Variants in MYCN observed in about 807,000 individuals in gnomAD.
MYCN encodes the protein N-myc proto-oncogene protein.
Under a neutral mutation model 28.1 loss-of-function variants are expected in MYCN, and 3 were observed. The observed-to-expected ratio is 0.11, with a 90% CI of 0.05 to 0.28. The LOEUF is 0.28. Among genes scored for constraint, MYCN ranks in the 10% least tolerant of loss-of-function variants. The probability of loss-of-function intolerance (pLI) is 1.00; values close to 1 mark genes in which losing one functional copy is unlikely to be tolerated. For synonymous variants in MYCN, 326 were observed against 288.3 expected (o/e 1.13, Z -1.32); for missense variants, 572 against 651.4 (o/e 0.88, Z 1.33).
Position 15,942,448 on chromosome 2 carries a change from C to T in MYCN, c.384C>T (p.Arg128=). 1 of 1,595,436 alleles carries T rather than the reference C, an allele frequency of 6.3e-7. No homozygotes were observed. Among genetic ancestry groups the T allele is most frequent in the Non-Finnish European group, 8.5e-7 (1 of 1,176,970 alleles). ...TCTCCGCCCGCGAGAAGCTGGAGCG[C>T]GCCGTGAGCGAGAAGCTGCAGCACG... is the stretch of plus-strand genomic sequence containing the variant. ...SGFSAREKLE[R]AVSEKLQHGR... is the part of the protein sequence containing the mutation. Residue 128 remains arginine (R), a synonymous_variant, in exon 2 of 3, where the codon CGC becomes CGT. Coordinates refer to ENST00000281043, the MANE Select transcript of MYCN (RefSeq NM_005378.6). This position sits in a 1 kb window ranked among gnomAD's most constrained non-coding sequence, Gnocchi z 7.0.
At position 15,945,757 on chromosome 2, in the gene MYCN, G is replaced by T. The variant is rs868585198; in HGVS notation, c.1055G>T (p.Ser352Ile). The T allele has an allele frequency of 6.2e-7, 1 of 1,614,134 alleles. No homozygotes were observed. Among genetic ancestry groups the T allele is most frequent in the African/African-American group, 1.3e-5 (1 of 75,024 alleles). The change falls in exon 3 of 3, where the codon AGC (serine) becomes ATC (isoleucine). Residue 352 changes from serine (S) to isoleucine (I), a missense_variant. By Grantham distance (142) the Ser-to-Ile change is moderately radical. This residue lies in a region of MYCN where 499 missense variants were observed against 524.3 expected (regional missense o/e 0.95). Coordinates refer to ENST00000281043, the MANE Select transcript of MYCN (RefSeq NM_005378.6). This position sits in a 1 kb window ranked among gnomAD's most constrained non-coding sequence, Gnocchi z 4.8. The stretch of plus-strand genomic sequence containing the variant: ...GCACCCCCACAGAAGAAGATAAAGA[G>T]CGAGGCGTCCCCACGTCCGCTCAAG... The part of the protein sequence containing the change: ...EDAPPQKKIK[S>I]EASPRPLKSV...
In MYCN at chr2:15,941,099, T is replaced by C; in HGVS notation, c.-118+356T>C. Reference sequence around the variant, plus strand: ...GGGGTTCTTCTCCAAAGGGTGCCCCTGGAGGAAGAAGAGGGGGGGATTAGG... The same window carrying C: ...GGGGTTCTTCTCCAAAGGGTGCCCCCGGAGGAAGAAGAGGGGGGGATTAGG... On this transcript the variant is annotated intron_variant, in intron 1 of 2. Transcript: ENST00000281043. This position sits in a 1 kb window ranked among gnomAD's most constrained non-coding sequence, Gnocchi z 4.8. 5.4e-6 allele frequency: 1 copy of C among 185,990 alleles called. No individual in the cohort carries two copies. The highest frequency in any genetic ancestry group is 1.1e-5 in the Non-Finnish European group (1 of 90,682). 11.5% of individuals were successfully genotyped at this position (185,990 alleles called of 1,614,324 possible).
chr2:15,942,889 G>A lies in MYCN; in HGVS notation c.790+35G>A, dbSNP rs1662746410. On this transcript the variant is annotated intron_variant, in intron 2 of 2. Coordinates refer to ENST00000281043, the MANE Select transcript of MYCN (RefSeq NM_005378.6). This position sits in a 1 kb window ranked among gnomAD's most constrained non-coding sequence, Gnocchi z 7.0. ...GAACTCGGGTCCGGCTGCCTCCCTGGGGCACTGGACCCCGGGTCGCGTCCC... is the reference window on the plus strand; with the variant it reads ...GAACTCGGGTCCGGCTGCCTCCCTGAGGCACTGGACCCCGGGTCGCGTCCC... 19 of 1,562,058 alleles carry A rather than the reference G, an allele frequency of 1.2e-5. No homozygotes were observed. The East Asian group carries it at 4.2e-4, about 35-fold the overall frequency.
chr2:15,947,004 A>ATGATGCGTT (rs1203569890), downstream of MYCN: 1 of 188,752 alleles, frequency 5.3e-6, no homozygotes, highest in Non-Finnish European at 1.1e-5. Context: ...TTAAAATTAA[A>ATGATGCGTT]TGATGCAACT....
At chr2:15,944,034 G>A (rs539035835) in intron 2 of MYCN, among the ~76,000 whole-genome samples, 1 of 152,262 alleles carries the variant, frequency 6.6e-6, no homozygotes, top group South Asian at 2.1e-4. Flanking sequence ...AGGAAACTTG[G>A]TGATAAGCCT....
intron 2 of MYCN, among the ~76,000 whole-genome samples, chr2:15,943,785 C>G (rs932122073): frequency 6.6e-6 from 1 of 152,188 alleles, no homozygotes; most frequent in Non-Finnish European, 1.5e-5. Flanking sequence ...GGAGGACTCA[C>G]TGATTAGTTC....
In MYCN at chr2:15,942,564, G is replaced by T. The variant is rs1371290338; in HGVS notation, c.500G>T (p.Gly167Val). The change falls in exon 2 of 3, where the codon GGA (glycine) becomes GTA (valine). Residue 167 changes from glycine to valine, a missense_variant. By Grantham distance (109) the Gly-to-Val change is moderately radical. Around this residue, in one of 3 missense-constraint regions of MYCN, gnomAD observed 499 missense variants for 524.3 expected, o/e 0.95. Transcript: ENST00000281043. This position sits in a 1 kb window ranked among gnomAD's most constrained non-coding sequence, Gnocchi z 7.0. The part of the protein sequence containing the change: ...PAGRGHGGAA[G>V]AGRAGAALPA... Reference sequence around the variant, plus strand: ...GGTCGCGGGCACGGCGGGGCTGCGGGAGCCGGCCGCGCCGGGGCCGCCCTG... The same window carrying T: ...GGTCGCGGGCACGGCGGGGCTGCGGTAGCCGGCCGCGCCGGGGCCGCCCTG... 2 of 1,126,790 alleles carry T rather than the reference G, an allele frequency of 1.8e-6. No individual in the cohort carries two copies. Among genetic ancestry groups the T allele is most frequent in the Non-Finnish European group, 2.2e-6 (2 of 922,548 alleles). 69.8% of individuals were successfully genotyped at this position (1,126,790 alleles called of 1,614,324 possible).
In MYCN at chr2:15,946,819, CT is replaced by C; in HGVS notation, c.*723del. 4.5e-6 allele frequency: 1 copy of C among 220,228 alleles called. No individual in the cohort carries two copies. Among genetic ancestry groups the C allele is most frequent in the Non-Finnish European group, 9.1e-6 (1 of 109,844 alleles). 13.6% of individuals were successfully genotyped at this position (220,228 alleles called of 1,614,324 possible). A position where few individuals can be genotyped will look rare whatever the true frequency, so the allele number is the denominator to read the frequency against. ...TAAGAAACTTTTGTAAAGAAATTTA[CT>C]ATATATATATGCCTTTTTCCTAGCC... On this transcript the variant is annotated 3_prime_UTR_variant, in exon 3 of 3. Transcript: ENST00000281043.
Position 15,945,856 on chromosome 2 carries a change from ACCACAACAT to A in MYCN, c.1157_1165del (p.His386_Ile388del). The A allele has an allele frequency of 6.2e-7, 1 of 1,614,048 alleles. No homozygotes were observed. Among genetic ancestry groups the A allele is most frequent in the Non-Finnish European group, 8.5e-7 (1 of 1,180,044 alleles). Reference sequence around the variant, plus strand: ...TCGGAGGACAGTGAGCGTCGCAGAAACCACAACATCCTGGAGCGCCAGCGCCGCAACGAC... The same window carrying A: ...TCGGAGGACAGTGAGCGTCGCAGAAACCTGGAGCGCCAGCGCCGCAACGAC... On this transcript the variant is annotated inframe_deletion, in exon 3 of 3. Coordinates refer to ENST00000281043, the MANE Select transcript of MYCN (RefSeq NM_005378.6). The surrounding 1 kb of genome is among the most constrained non-coding windows in gnomAD (Gnocchi z 4.8).
At position 15,944,772 on chromosome 2, in the gene MYCN, T is replaced by C. The variant is rs1239385228; in HGVS notation, c.791-721T>C. Among the ~76,000 whole-genome samples the C allele has an allele frequency of 2.0e-5, 3 of 152,088 alleles. No individual in the cohort carries two copies. In the East Asian group the frequency reaches 5.8e-4, roughly 29 times the overall value. On this transcript the variant is annotated intron_variant, in intron 2 of 2. Coordinates refer to ENST00000281043, the MANE Select transcript of MYCN (RefSeq NM_005378.6). ...TCAAAGTGGTATCATCCCCATTTAA[T>C]AGCTGAGGAAACAGAGGCTTAGAAA...
At position 15,945,487 on chromosome 2, in the gene MYCN, T is replaced by G. The variant is rs147140963; in HGVS notation, c.791-6T>G. The G allele has an allele frequency of 6.3e-7, 1 of 1,598,282 alleles. No individual in the cohort carries two copies. The highest frequency in any genetic ancestry group is 1.1e-5 in the South Asian group (1 of 88,704). On this transcript the variant is annotated splice_polypyrimidine_tract_variant and splice_region_variant and intron_variant, in intron 2 of 2. Coordinates refer to ENST00000281043, the MANE Select transcript of MYCN (RefSeq NM_005378.6). The surrounding 1 kb of genome is among the most constrained non-coding windows in gnomAD (Gnocchi z 4.8). ...CACATGAGAGTAACTAGCATCTTTCTCTCAGATGATGAAGATGATGAAGAG... is the reference window on the plus strand; with the variant it reads ...CACATGAGAGTAACTAGCATCTTTCGCTCAGATGATGAAGATGATGAAGAG...
rs2103332764 is a variant in MYCN, at chr2:15,946,247, T to A, written c.*150T>A. On this transcript the variant is annotated 3_prime_UTR_variant, in exon 3 of 3. Transcript: ENST00000281043. ...TGGGTGGGCAGTAGGACCACCAGTGTGGGGTTCTGCTGGGACCTTGGAGAG... is the reference window on the plus strand; with the variant it reads ...TGGGTGGGCAGTAGGACCACCAGTGAGGGGTTCTGCTGGGACCTTGGAGAG... 8.6e-7 allele frequency: 1 copy of A among 1,157,776 alleles called. No homozygotes were observed. Among genetic ancestry groups the A allele is most frequent in the Non-Finnish European group, 1.3e-6 (1 of 798,894 alleles). The allele number at this position is 1,157,776 out of a possible 1,614,324, so 71.7% of individuals were successfully genotyped here.
At position 15,945,654 on chromosome 2, in the gene MYCN, C is replaced by A; in HGVS notation, c.952C>A (p.Leu318Met). 2 of 1,614,190 alleles carry A rather than the reference C, an allele frequency of 1.2e-6. No individual in the cohort carries two copies. The highest frequency in any genetic ancestry group is 1.7e-6 in the Non-Finnish European group (2 of 1,180,032). ...LGPGRAQSSE[L>M]ILKRCLPIHQ... is the part of the protein sequence containing the mutation. The stretch of plus-strand genomic sequence containing the variant: ...TCCCGGGAGGGCTCAGTCCAGCGAG[C>A]TGATCCTCAAACGATGCCTTCCCAT... The change falls in exon 3 of 3, where the codon CTG (leucine) becomes ATG (methionine). Residue 318 changes from leucine (L) to methionine (M), a missense_variant. By Grantham distance (15) the Leu-to-Met change is conservative. Transcript: ENST00000281043. This position sits in a 1 kb window ranked among gnomAD's most constrained non-coding sequence, Gnocchi z 4.8.
Position 15,945,944 on chromosome 2 carries a change from T to A in MYCN, c.1242T>A (p.Asn414Lys), listed in dbSNP as rs762737885. 6.2e-7 allele frequency: 1 copy of A among 1,614,074 alleles called. No individual in the cohort carries two copies. Among genetic ancestry groups the A allele is most frequent in the Non-Finnish European group, 8.5e-7 (1 of 1,180,014 alleles). The change falls in exon 3 of 3, where the codon AAT becomes AAA. Residue 414 changes from asparagine (N) to lysine (K), a missense_variant. Physicochemically the swap from Asn to Lys is moderately conservative, Grantham distance 94. Coordinates refer to ENST00000281043, the MANE Select transcript of MYCN (RefSeq NM_005378.6). This position sits in a 1 kb window ranked among gnomAD's most constrained non-coding sequence, Gnocchi z 4.8. ...ACCACGTGCCGGAGTTGGTAAAGAA[T>A]GAGAAGGCCGCCAAGGTGGTCATTT... ...LRDHVPELVKNEKAAKVVILK... is the reference protein window; with the variant it reads ...LRDHVPELVKKEKAAKVVILK...
chr2:15,945,770 A>G lies in MYCN; in HGVS notation c.1068A>G (p.Pro356=). 6.2e-7 allele frequency: 1 copy of G among 1,614,024 alleles called. No homozygotes were observed. The highest frequency in any genetic ancestry group is 1.1e-5 in the South Asian group (1 of 91,080). The change falls in exon 3 of 3, where the codon CCA becomes CCG. Residue 356 remains proline, a synonymous_variant. Transcript: ENST00000281043. The surrounding 1 kb of genome is among the most constrained non-coding windows in gnomAD (Gnocchi z 4.8). ...AGAAGATAAAGAGCGAGGCGTCCCC[A>G]CGTCCGCTCAAGAGTGTCATCCCCC... The part of the protein sequence containing the change: ...PQKKIKSEAS[P]RPLKSVIPPK...
Position 15,942,205 on chromosome 2 carries a change from G to A in MYCN, c.141G>A (p.Glu47=), listed in dbSNP as rs574496150. Reference sequence around the variant, plus strand: ...GCCCCGACTCGACCCCCCCGGGGGAGGACATCTGGAAGAAGTTTGAGCTGC... The same window carrying A: ...GCCCCGACTCGACCCCCCCGGGGGAAGACATCTGGAAGAAGTTTGAGCTGC... ...FGGPDSTPPG[E]DIWKKFELLP... The change falls in exon 2 of 3, where the codon GAG becomes GAA. Residue 47 remains glutamate (E), a synonymous_variant. Coordinates refer to ENST00000281043, the MANE Select transcript of MYCN (RefSeq NM_005378.6). This position sits in a 1 kb window ranked among gnomAD's most constrained non-coding sequence, Gnocchi z 7.0. The A allele has an allele frequency of 2.1e-5, 34 of 1,613,546 alleles. 1 individual carries two copies. In the East Asian group the frequency reaches 7.1e-4, roughly 34 times the overall value.
At position 15,945,945 on chromosome 2, in the gene MYCN, G is replaced by C. The variant is rs766297977; in HGVS notation, c.1243G>C (p.Glu415Gln). The C allele has an allele frequency of 6.2e-7, 1 of 1,614,184 alleles. No homozygotes were observed. Among genetic ancestry groups the C allele is most frequent in the South Asian group, 1.1e-5 (1 of 91,086 alleles). Residue 415 changes from glutamate to glutamine, a missense_variant, in exon 3 of 3, where the codon GAG (glutamate) becomes CAG (glutamine). By Grantham distance (29) the Glu-to-Gln change is conservative (BLOSUM62 2). This residue lies in a region of MYCN where 61 missense variants were observed against 81.6 expected (regional missense o/e 0.75). Transcript: ENST00000281043. The surrounding 1 kb of genome is among the most constrained non-coding windows in gnomAD (Gnocchi z 4.8). ...RDHVPELVKN[E>Q]KAAKVVILKK... ...CCACGTGCCGGAGTTGGTAAAGAAT[G>C]AGAAGGCCGCCAAGGTGGTCATTTT...
Position 15,945,451 on chromosome 2 carries a change from C to G in MYCN, c.791-42C>G. The G allele has an allele frequency of 1.3e-6, 2 of 1,560,750 alleles. No homozygotes were observed. Among genetic ancestry groups the G allele is most frequent in the Non-Finnish European group, 1.7e-6 (2 of 1,151,282 alleles). Reference sequence around the variant, plus strand: ...CATGGATATATATGTGAATTTCATTCAAATGGTTCTCACATGAGAGTAACT... The same window carrying G: ...CATGGATATATATGTGAATTTCATTGAAATGGTTCTCACATGAGAGTAACT... On this transcript the variant is annotated intron_variant, in intron 2 of 2. Transcript: ENST00000281043. The surrounding 1 kb of genome is among the most constrained non-coding windows in gnomAD (Gnocchi z 4.8).
At position 15,942,810 on chromosome 2, in the gene MYCN, A is replaced by G. The variant is rs1662742870; in HGVS notation, c.746A>G (p.His249Arg). 3 of 1,543,508 alleles carry G rather than the reference A, an allele frequency of 1.9e-6. No homozygotes were observed. Among genetic ancestry groups the G allele is most frequent in the Non-Finnish European group, 2.6e-6 (3 of 1,151,198 alleles). Residue 249 changes from histidine (H) to arginine (R), a missense_variant, in exon 2 of 3, where the codon CAC becomes CGC. His to Arg is a conservative substitution (Grantham distance 29, BLOSUM62 0). This residue lies in a region of MYCN where 499 missense variants were observed against 524.3 expected (regional missense o/e 0.95). Transcript: ENST00000281043. The surrounding 1 kb of genome is among the most constrained non-coding windows in gnomAD (Gnocchi z 7.0). Reference sequence around the variant, plus strand: ...GGCCGCCAGACCAGCGGCGGCGACCACAAGGCCCTCAGTACCTCCGGAGAG... The same window carrying G: ...GGCCGCCAGACCAGCGGCGGCGACCGCAAGGCCCTCAGTACCTCCGGAGAG... ...PGGRQTSGGDHKALSTSGEDT... is the reference protein window; with the variant it reads ...PGGRQTSGGDRKALSTSGEDT...
Sources: gnomAD v4.1 joint callset for allele counts (sites outside exome capture counted in the v4.1 genomes callset) on GRCh38, gnomAD v4.1.1 for gene constraint, gnomAD v4.1.1 regional missense constraint, Gnocchi (gnomAD v3.1) non-coding constraint, MANE v1.5 for transcripts, NCBI Gene and HGNC (gene_info 2026-07-23, HGNC 2026-07-21) for gene names.